ZMAT5: variants seen among roughly 807,000 people sequenced by gnomAD.
ZMAT5 encodes the protein zinc finger matrin-type 5.
A neutral mutation model predicts 28.0 loss-of-function variants in ZMAT5; 23 were observed. That is an observed-to-expected ratio of 0.82 (90% CI 0.59 to 1.16). The LOEUF is 1.16. Ranked by LOEUF, ZMAT5 falls within the 50% of genes most tolerant of loss-of-function variation. ZMAT5 has a pLI of 0.00. For missense variants in ZMAT5, 173 were observed against 212.7 expected (o/e 0.81, Z 1.16); for synonymous variants, 76 against 84.1 (o/e 0.90, Z 0.52).
At chr22:29,734,643 T>C (rs1441557829) in intron 5 of ZMAT5, among the ~76,000 whole-genome samples, 1 of 145,212 alleles carries the variant, frequency 6.9e-6, no homozygotes, top group Non-Finnish European at 1.5e-5. Flanking sequence ...AGTCTGACTC[T>C]GCCAGGCAGA....
Position 29,740,939 on chromosome 22 carries a change from C to T in ZMAT5, c.191-209G>A, listed in dbSNP as rs911547541. Among the ~76,000 whole-genome samples, 2 of 152,212 alleles carry T rather than the reference C, an allele frequency of 1.3e-5. 1 individual carries two copies. The highest frequency in any genetic ancestry group is 4.1e-4 in the South Asian group (2 of 4,836). On this transcript the variant is annotated intron_variant, in intron 3 of 5. Transcript: ENST00000344318. ...TCTCACCTATCATGCCACATGCTCA[C>T]GACCCTTCTCCAGCTGCCCCCCATG...
intron 1 of ZMAT5, among the ~76,000 whole-genome samples, chr22:29,766,504 G>C (rs1235485129): frequency 6.6e-6 from 1 of 152,240 alleles, no homozygotes; most frequent in Non-Finnish European, 1.5e-5. Flanking sequence ...GGTCCCCAGA[G>C]CAGGGACCAG....
At chr22:29,741,851 G>A (rs1181706131) in intron 3 of ZMAT5, among the ~76,000 whole-genome samples, 3 of 152,022 alleles carry the variant, frequency 2.0e-5, no homozygotes, top group Non-Finnish European at 4.4e-5. Flanking sequence ...ATGGGGTCTC[G>A]CTATGTTGCC....
intron 5 of ZMAT5, among the ~76,000 whole-genome samples, chr22:29,737,025 C>CAAA (rs1406580047): frequency 1.4e-4 from 10 of 73,956 alleles, no homozygotes; most frequent in Admixed American, 1.5e-4. Flanking sequence ...GAATCCGTCT[C>CAAA]AAAAAAAAAA....
chr22:29,731,768 C>T (rs1365162577), intron 5 of ZMAT5: 1 of 155,200 alleles, frequency 6.4e-6, no homozygotes, highest in Non-Finnish European at 1.4e-5. Context: ...TAGCATGATA[C>T]TATTTTTGTT....
chr22:29,759,472 T>C (rs1024590574), intron 1 of ZMAT5, among the ~76,000 whole-genome samples: 2 of 152,136 alleles, frequency 1.3e-5, no homozygotes, highest in Non-Finnish European at 2.9e-5. Context: ...GAGAAACTTA[T>C]TAAAAATGAA....
Position 29,730,983 on chromosome 22 carries a change from T to G in ZMAT5, c.*242A>C. The G allele has an allele frequency of 2.5e-5, 9 of 363,784 alleles. No individual in the cohort carries two copies. The highest frequency in any genetic ancestry group is 2.9e-5 in the Non-Finnish European group (6 of 205,608). The allele number at this position is 363,784 out of a possible 1,614,324, so 22.5% of individuals were successfully genotyped here. A position where few individuals can be genotyped will look rare whatever the true frequency, so the allele number is the denominator to read the frequency against. On this transcript the variant is annotated 3_prime_UTR_variant, in exon 6 of 6. Coordinates refer to ENST00000344318, the MANE Select transcript of ZMAT5 (RefSeq NM_001003692.2). ...TGGTGACAGACTTTCTTTATAAACA[T>G]TTGGAAGTTTTCTCCCCCATCTTCT...
At chr22:29,733,866 C>T (rs2147214058) in intron 5 of ZMAT5, among the ~76,000 whole-genome samples, 1 of 152,362 alleles carries the variant, frequency 6.6e-6, no homozygotes, top group East Asian at 1.9e-4. Context: ...TGCCTGCTCA[C>T]ACACACTGGC....
intron 1 of ZMAT5, among the ~76,000 whole-genome samples, chr22:29,765,323 GC>G (rs2068196895): frequency 6.6e-6 from 1 of 151,958 alleles, no homozygotes; most frequent in Admixed American, 6.6e-5. Context: ...GTAGGCTGAG[GC>G]ATGAGAATTG....
chr22:29,745,306 G>A (rs1161491005), intron 2 of ZMAT5, among the ~76,000 whole-genome samples: 1 of 152,198 alleles, frequency 6.6e-6, no homozygotes, highest in Non-Finnish European at 1.5e-5. Flanking sequence ...TCTACAGAGG[G>A]GACAGCTTAT....
chr22:29,731,542 C>T (rs1366378389), intron 5 of ZMAT5, 188 bp from the exon 6 acceptor site: 1 of 654,436 alleles, frequency 1.5e-6, no homozygotes, highest in Non-Finnish European at 2.4e-6. Context: ...AGGAACTGAG[C>T]CCAAGGAAAT....
chr22:29,765,838 A>T (rs1284032416), intron 1 of ZMAT5, among the ~76,000 whole-genome samples: 1 of 152,208 alleles, frequency 6.6e-6, no homozygotes, highest in African/African-American at 2.4e-5. Context: ...ACTACACTCC[A>T]GTCTGGACGA....
At chr22:29,743,346 C>T (rs113235521) in intron 2 of ZMAT5, among the ~76,000 whole-genome samples, 22 of 152,300 alleles carry the variant, frequency 1.4e-4, no homozygotes, top group African/African-American at 4.6e-4. Flanking sequence ...GCCACCGCCG[C>T]GGACAGGACT....
At chr22:29,732,211 C>T (rs1028409173) in intron 5 of ZMAT5, among the ~76,000 whole-genome samples, 4 of 152,242 alleles carry the variant, frequency 2.6e-5, no homozygotes, top group South Asian at 2.1e-4. Flanking sequence ...TCTCAGGCTT[C>T]GAAGTACTTT....
chr22:29,745,951 C>A (rs543171567), intron 2 of ZMAT5, among the ~76,000 whole-genome samples: 4 of 152,148 alleles, frequency 2.6e-5, no homozygotes, highest in African/African-American at 9.7e-5. Flanking sequence ...GTGAGGGAAC[C>A]CACTGCCCTG....
intron 5 of ZMAT5, among the ~76,000 whole-genome samples, chr22:29,733,833 C>T (rs1388250111): frequency 1.3e-5 from 2 of 152,252 alleles, no homozygotes; most frequent in South Asian, 2.1e-4. Context: ...CCTGAGGTCC[C>T]GCCAGTAGAC....
In ZMAT5 at chr22:29,731,092, C is replaced by T. The variant is rs1601710888; in HGVS notation, c.*133G>A. On this transcript the variant is annotated 3_prime_UTR_variant, in exon 6 of 6. Coordinates refer to ENST00000344318, the MANE Select transcript of ZMAT5 (RefSeq NM_001003692.2). ...GGACGAGGGCTGCACTTGGTGTGGCCGTGTCCTGAGCCTCAGTGAGGCTGG... is the reference window on the plus strand; with the variant it reads ...GGACGAGGGCTGCACTTGGTGTGGCTGTGTCCTGAGCCTCAGTGAGGCTGG... 4 of 1,006,880 alleles carry T rather than the reference C, an allele frequency of 4.0e-6. No individual in the cohort carries two copies. Among genetic ancestry groups the T allele is most frequent in the East Asian group, 2.9e-5 (1 of 34,206 alleles). The allele number at this position is 1,006,880 out of a possible 1,614,324, so 62.4% of individuals were successfully genotyped here. A position where few individuals can be genotyped will look rare whatever the true frequency, so the allele number is the denominator to read the frequency against.
intron 1 of ZMAT5, among the ~76,000 whole-genome samples, chr22:29,763,290 C>CTAAATAAATAAATAAATAAA (rs1477144084): frequency 1.6e-5 from 1 of 61,336 alleles, no homozygotes. Context: ...GAGACTCTGC[C>CTAAATAAATAAATAAATAAA]TCAATAAATA....
intron 2 of ZMAT5, 137 bp from the exon 3 acceptor site, chr22:29,742,617 G>C: frequency 2.5e-6 from 2 of 796,622 alleles, no homozygotes; most frequent in Non-Finnish European, 4.0e-6. Flanking sequence ...TTCCACGGAG[G>C]AGTGGAAGCA....
Sources: allele counts gnomAD v4.1 joint callset (sites outside exome capture counted in the v4.1 genomes callset), GRCh38; gene constraint gnomAD v4.1.1; transcripts MANE v1.5; gene names NCBI Gene and HGNC (gene_info 2026-07-23, HGNC 2026-07-21).